NCOR2: variants seen among roughly 807,000 people sequenced by gnomAD.
The protein encoded by NCOR2 is CTG repeat protein 26.
In NCOR2, 81 loss-of-function variants were observed where a neutral mutation model predicts 262.9. That is an observed-to-expected ratio of 0.31 (90% confidence interval 0.26 to 0.37). The LOEUF (loss-of-function observed/expected upper bound fraction) is 0.37, where lower values mean the gene tolerates loss of function less well. Among genes scored for constraint, NCOR2 ranks in the 10% least tolerant of loss-of-function variants. The probability of loss-of-function intolerance (pLI) is 1.00; values close to 1 mark genes in which losing one functional copy is unlikely to be tolerated. For missense variants in NCOR2, 3,385 were observed against 3,621.4 expected (o/e 0.93, Z 1.68); for synonymous variants, 1,659 against 1,559.3 (o/e 1.06, Z -1.51).
chr12:124,450,520 C>T (rs977511624), intron 6 of NCOR2, among the ~76,000 whole-genome samples: 1 of 152,190 alleles, frequency 6.6e-6, no homozygotes, highest in Non-Finnish European at 1.5e-5. Flanking sequence ...TAACGCACTG[C>T]TCACAGCGGC....
chr12:124,412,572 G>A (rs999076856), intron 13 of NCOR2, among the ~76,000 whole-genome samples: 1 of 152,262 alleles, frequency 6.6e-6, no homozygotes, highest in Non-Finnish European at 1.5e-5. Flanking sequence ...CCTGGCCAGG[G>A]AGGCCGTTGC....
rs375290289 is a variant in NCOR2, at chr12:124,341,833, C to T, written c.5178G>A (p.Ala1726=). 1.4e-4 allele frequency: 227 copies of T among 1,601,890 alleles called. No homozygotes were observed. The East Asian group carries it at 2.5e-3, about 17-fold the overall frequency. Residue 1726 remains alanine, a synonymous_variant, in exon 34 of 47, where the codon GCG becomes GCA. Coordinates refer to ENST00000405201, the Ensembl canonical transcript of NCOR2. Reference sequence around the variant, plus strand: ...TGCCCACCCACTCACCTCGGGGACCCGCAGCGTAGTTGAGTGCCAGCGAGG... The same window carrying T: ...TGCCCACCCACTCACCTCGGGGACCTGCAGCGTAGTTGAGTGCCAGCGAGG...
intron 1 of NCOR2, among the ~76,000 whole-genome samples, chr12:124,522,155 C>T (rs149612165): frequency 8.5e-5 from 13 of 152,300 alleles, no homozygotes; most frequent in African/African-American, 2.9e-4. Context: ...ATCAGACATT[C>T]GAGAAGCATC....
Position 124,436,659 on chromosome 12 carries a change from C to T in NCOR2, c.882+1271G>A, listed in dbSNP as rs1049507852. Among the ~76,000 whole-genome samples the T allele has an allele frequency of 8.5e-5, 13 of 152,242 alleles. 1 individual carries two copies. The highest frequency in any genetic ancestry group is 2.2e-4 in the African/African-American group (9 of 41,458). On this transcript the variant is annotated intron_variant, in intron 8 of 46. Transcript: ENST00000405201. The stretch of plus-strand genomic sequence containing the variant: ...CGGCATCAGCCACTGGTTCACAGGA[C>T]GCAGGCCCTCTCCTGGCCTAATCAG...
Position 124,443,545 on chromosome 12 carries a change from T to C in NCOR2, c.816-5549A>G, listed in dbSNP as rs1384724294. On this transcript the variant is annotated intron_variant, in intron 7 of 46. Coordinates refer to ENST00000405201, the Ensembl canonical transcript of NCOR2. The surrounding 1 kb of genome is among the most constrained non-coding windows in gnomAD (Gnocchi z 4.4). The stretch of plus-strand genomic sequence containing the variant: ...AGATGGAGTCTCTTGCTCTGTCACC[T>C]AGGCTGGAGTGCAGTGGCGCAATCT... 2.0e-5 allele frequency among the ~76,000 whole-genome samples: 3 copies of C among 152,116 alleles called. No individual in the cohort carries two copies. Among genetic ancestry groups the C allele is most frequent in the African/African-American group, 7.2e-5 (3 of 41,426 alleles).
exon 38 of NCOR2, chr12:124,336,850 C>T (rs529821999): frequency 1.7e-5 from 28 of 1,612,006 alleles, no homozygotes; most frequent in Middle Eastern, 1.7e-4. Context: ...CCGGCGGGTC[C>T]GGGCTGGCGT....
chr12:124,376,244 C>G (rs1041880386), intron 18 of NCOR2, among the ~76,000 whole-genome samples: 31 of 152,222 alleles, frequency 2.0e-4, no homozygotes, highest in African/African-American at 7.0e-4. Flanking sequence ...CCTCCTCCCC[C>G]ACCCAGCAGA....
At position 124,370,723 on chromosome 12, in the gene NCOR2, T is replaced by C. The variant is rs546538602; in HGVS notation, c.2807+1299A>G. ...CCAAAGCATCTGTGCTGAAAATGGG[T>C]AAAAGGTGGCATTCTCAGGGATGTG... On this transcript the variant is annotated intron_variant, in intron 20 of 46. Coordinates refer to ENST00000405201, the Ensembl canonical transcript of NCOR2. Among the ~76,000 whole-genome samples, 27 of 152,080 alleles carry C rather than the reference T, an allele frequency of 1.8e-4. No individual in the cohort carries two copies. The East Asian group carries it at 4.7e-3, about 26-fold the overall frequency.
At chr12:124,354,111 G>A in exon 27 of NCOR2, 1 of 1,610,204 alleles carries the variant, frequency 6.2e-7, no homozygotes, top group African/African-American at 1.3e-5. Context: ...TGGAGCCGCG[G>A]TATGTGATGG....
At chr12:124,333,650 A>C (rs1593087377) in intron 41 of NCOR2, among the ~76,000 whole-genome samples, 1 of 100,284 alleles carries the variant, frequency 1.0e-5, no homozygotes, top group East Asian at 3.2e-4. Context: ...CTGTCCTCGC[A>C]CACACATTAC....
At position 124,340,365 on chromosome 12, in the gene NCOR2, C is replaced by T. The variant is rs766208368; in HGVS notation, c.5417G>A (p.Arg1806Gln). ...GATGGACTTTTCCCGCTCCCGATCC[C>T]GGTCCCGCTCTCGATCCCGGTCTCG... Residue 1806 changes from arginine (R) to glutamine (Q), a missense_variant, in exon 36 of 47, where the codon CGG (arginine) becomes CAG (glutamine). Physicochemically the swap from Arg to Gln is conservative, Grantham distance 43. Around this residue, in one of 5 missense-constraint regions of NCOR2, gnomAD observed 1,615 missense variants for 1,626.9 expected, o/e 0.99. Transcript: ENST00000405201. 8.1e-6 allele frequency: 13 copies of T among 1,612,886 alleles called. No individual in the cohort carries two copies. The Admixed American group carries it at 1.0e-4, about 12-fold the overall frequency.
At chr12:124,334,645 C>G (rs1029424010) in intron 40 of NCOR2, 28 bp from the exon 43 acceptor site, 4 of 1,285,922 alleles carry the variant, frequency 3.1e-6, no homozygotes, top group African/African-American at 1.5e-5. Context: ...GGCCCAGAGT[C>G]AGGCAGCACT....
chr12:124,534,983 A>G (rs1402743826), intron 1 of NCOR2, among the ~76,000 whole-genome samples: 2 of 152,216 alleles, frequency 1.3e-5, no homozygotes, highest in Non-Finnish European at 2.9e-5. Flanking sequence ...GGAAACTGTT[A>G]TTGCCTCCCC....
Position 124,389,584 on chromosome 12 carries a change from T to A in NCOR2, c.1877-3697A>T, listed in dbSNP as rs2041125857. ...GCCGCCCGTCCCCCCACCCTCCGTG[T>A]CAGTTCCACCTGAGCTCTGCCCCCT... On this transcript the variant is annotated intron_variant, in intron 16 of 46. Coordinates refer to ENST00000405201, the Ensembl canonical transcript of NCOR2. The surrounding 1 kb of genome is among the most constrained non-coding windows in gnomAD (Gnocchi z 4.4). 6.6e-6 allele frequency among the ~76,000 whole-genome samples: 1 copy of A among 151,700 alleles called. No homozygotes were observed. The highest frequency in any genetic ancestry group is 1.5e-5 in the Non-Finnish European group (1 of 67,862).
chr12:124,495,546 G>A (rs190424160), upstream of NCOR2, among the ~76,000 whole-genome samples: 5 of 152,232 alleles, frequency 3.3e-5, 1 homozygote, highest in African/African-American at 1.2e-4. The surrounding 1 kb of genome is among the most constrained non-coding windows in gnomAD (Gnocchi z 4.4). Flanking sequence ...CAAGGAGACA[G>A]GCATGGCATT....
At chr12:124,409,298 C>A (rs1555218855) in intron 13 of NCOR2, among the ~76,000 whole-genome samples, 1 of 152,196 alleles carries the variant, frequency 6.6e-6, no homozygotes, top group Non-Finnish European at 1.5e-5. Flanking sequence ...TCTCCCCATG[C>A]CCACCACCTG....
intron 16 of NCOR2, among the ~76,000 whole-genome samples, chr12:124,393,052 G>A (rs1046502913): frequency 7.2e-5 from 11 of 152,214 alleles, no homozygotes; most frequent in Non-Finnish European, 1.2e-4. Flanking sequence ...TGGTGTGACC[G>A]GGAGCCTCCC....
In NCOR2 at chr12:124,503,639, AATGG is replaced by A. The variant is rs571567528; in HGVS notation, c.-117-8275_-117-8272del. On this transcript the variant is annotated intron_variant, in intron 1 of 46. Transcript: ENST00000404621. The surrounding 1 kb of genome is among the most constrained non-coding windows in gnomAD (Gnocchi z 4.3). ...GGATGGATGGATGGATGGATGGGCG[AATGG>A]ATGGATGGATGGATGGATGGACGGG... 3.9e-5 allele frequency among the ~76,000 whole-genome samples: 4 copies of A among 102,592 alleles called. No individual in the cohort carries two copies. Among genetic ancestry groups the A allele is most frequent in the African/African-American group, 8.9e-5 (2 of 22,408 alleles). 67.3% of individuals were successfully genotyped at this position (102,592 alleles called of 152,430 possible).
chr12:124,429,740 T>G, intron 9 of NCOR2, 34 bp from the exon 12 acceptor site: 37 of 1,525,894 alleles, frequency 2.4e-5, no homozygotes, highest in Non-Finnish European at 2.9e-5. Context: ...AGGACCGGTC[T>G]TCTGGTGGTC....
Sources: allele counts gnomAD v4.1 joint callset (sites outside exome capture counted in the v4.1 genomes callset), GRCh38; gene constraint gnomAD v4.1.1; regional missense constraint gnomAD v4.1.1; non-coding constraint Gnocchi (gnomAD v3.1); transcripts MANE v1.5; gene names NCBI Gene and HGNC (gene_info 2026-07-23, HGNC 2026-07-21).